Variants in NPAS3 observed in about 807,000 individuals in gnomAD.
NPAS3 encodes neuronal PAS domain protein 3.
Under a neutral mutation model 73.1 loss-of-function variants are expected in NPAS3, and 14 were observed. The ratio of observed to expected loss-of-function variants is 0.19; its 90% confidence interval spans 0.13 to 0.30. The LOEUF (loss-of-function observed/expected upper bound fraction) is 0.30. Ranked by LOEUF, NPAS3 falls within the 10% of genes least tolerant of loss-of-function variation. The pLI is 1.00. For missense variants in NPAS3, 1,096 were observed against 1,250.0 expected (o/e 0.88, Z 1.86); for synonymous variants, 620 against 541.5 (o/e 1.14, Z -2.01).
At chr14:33,477,530 C>G (rs2051098377) in intron 4 of NPAS3, among the ~76,000 whole-genome samples, 1 of 152,066 alleles carries the variant, frequency 6.6e-6, no homozygotes, top group African/African-American at 2.4e-5. Context: ...CTCATGCACT[C>G]ATAGCACACA....
intron 1 of NPAS3, among the ~76,000 whole-genome samples, chr14:33,018,652 TA>T (rs1415508821): frequency 6.6e-6 from 1 of 152,208 alleles, no homozygotes; most frequent in Non-Finnish European, 1.5e-5. Context: ...AAGTTGAAAG[TA>T]TAAGAAATAT....
At chr14:33,338,934 T>A (rs2140303599) in intron 3 of NPAS3, among the ~76,000 whole-genome samples, 1 of 152,304 alleles carries the variant, frequency 6.6e-6, no homozygotes, top group Non-Finnish European at 1.5e-5. Flanking sequence ...ATACATCTTC[T>A]CTTATTTCTG....
chr14:33,121,084 T>G (rs187711704), intron 2 of NPAS3, among the ~76,000 whole-genome samples: 1 of 152,208 alleles, frequency 6.6e-6, no homozygotes, highest in East Asian at 1.9e-4. Flanking sequence ...TCTCCCTTTT[T>G]GACCTCTTAA....
rs113114587 is a variant in NPAS3, at chr14:33,572,299, T to A, written c.558+12089T>A. Among the ~76,000 whole-genome samples the A allele has an allele frequency of 4.5e-3, 688 of 152,254 alleles. 2 individuals are homozygous for A. Among genetic ancestry groups the A allele is most frequent in the East Asian group, 6.4e-3 (33 of 5,178 alleles). Reference sequence around the variant, plus strand: ...CTAATTAACAATAATTACATTTTTTTAAAAATTTAAAAGGCTTTAGAACAA... The same window carrying A: ...CTAATTAACAATAATTACATTTTTTAAAAAATTTAAAAGGCTTTAGAACAA... On this transcript the variant is annotated intron_variant, in intron 5 of 11. Transcript: ENST00000356141.
chr14:33,043,835 A>G (rs78821257), intron 1 of NPAS3, among the ~76,000 whole-genome samples: 3,955 of 152,184 alleles, frequency 0.026, 50 homozygotes, highest in Admixed American at 0.031. Context: ...AAAAAAAACA[A>G]CTTCCCAAAT....
intron 5 of NPAS3, among the ~76,000 whole-genome samples, chr14:33,564,287 C>T (rs187445413): frequency 2.6e-5 from 4 of 152,248 alleles, no homozygotes; most frequent in African/African-American, 9.6e-5. Flanking sequence ...AAATGAAAAA[C>T]CATTGTTTCT....
At chr14:33,127,439 T>C (rs1176377667) in intron 2 of NPAS3, among the ~76,000 whole-genome samples, 1 of 152,162 alleles carries the variant, frequency 6.6e-6, no homozygotes, top group African/African-American at 2.4e-5. Context: ...ATGATGTTTG[T>C]AGTGTTGCAT....
intron 2 of NPAS3, among the ~76,000 whole-genome samples, chr14:33,059,504 T>G (rs1287789838): frequency 6.6e-6 from 1 of 152,340 alleles, no homozygotes; most frequent in Non-Finnish European, 1.5e-5. Context: ...AAAATACACC[T>G]CATATTGTAA....
chr14:33,561,516 C>G (rs979913982), intron 5 of NPAS3, among the ~76,000 whole-genome samples: 1 of 152,190 alleles, frequency 6.6e-6, no homozygotes, highest in African/African-American at 2.4e-5. Flanking sequence ...AGAAACCGAG[C>G]TTTTGTTAAC....
intron 5 of NPAS3, among the ~76,000 whole-genome samples, chr14:33,674,446 C>T (rs1438427499): frequency 6.6e-6 from 1 of 152,204 alleles, no homozygotes; most frequent in Non-Finnish European, 1.5e-5. Flanking sequence ...AATATTAAAA[C>T]ACACATTTTA....
chr14:33,350,056 A>G (rs982388824), intron 3 of NPAS3, among the ~76,000 whole-genome samples: 5 of 152,198 alleles, frequency 3.3e-5, no homozygotes, highest in African/African-American at 1.2e-4. Flanking sequence ...TGTACCATTA[A>G]TTGCACTTAA....
At chr14:33,078,108 C>T (rs1423000796) in intron 2 of NPAS3, among the ~76,000 whole-genome samples, 1 of 151,754 alleles carries the variant, frequency 6.6e-6, no homozygotes, top group African/African-American at 2.4e-5. Context: ...CACTGCACTC[C>T]AGCCTGGGCA....
Position 33,169,347 on chromosome 14 carries a change from C to A in NPAS3, c.141-45835C>A, listed in dbSNP as rs552778425. The stretch of plus-strand genomic sequence containing the variant: ...CTTTGGGAGGCCAAGGCAGATGGAT[C>A]ACTTGAGGTCAGGAGTTGGAGACCA... On this transcript the variant is annotated intron_variant, in intron 2 of 11. Coordinates refer to ENST00000356141, the Ensembl canonical transcript of NPAS3. 5.9e-5 allele frequency among the ~76,000 whole-genome samples: 9 copies of A among 152,268 alleles called. No individual in the cohort carries two copies. The East Asian group carries it at 1.5e-3, about 26-fold the overall frequency.
In NPAS3 at chr14:33,536,600, A is replaced by G. The variant is rs373041963; in HGVS notation, c.469-23521A>G. ...TGGGAGATTCAAGGCTAAACCACCA[A>G]GGATAAAAGCTAGACTATAATGCAA... On this transcript the variant is annotated intron_variant, in intron 4 of 11. Coordinates refer to ENST00000356141, the Ensembl canonical transcript of NPAS3. 1.4e-4 allele frequency among the ~76,000 whole-genome samples: 21 copies of G among 152,048 alleles called. No individual in the cohort carries two copies. In the East Asian group the frequency reaches 2.1e-3, roughly 15 times the overall value.
At chr14:32,939,311 A>G (rs767595651), upstream of NPAS3, 2 of 682,582 alleles carry the variant, frequency 2.9e-6, no homozygotes, top group Non-Finnish European at 5.2e-6. Context: ...AAAAAATAGC[A>G]GGAAGATGGC....
chr14:33,465,519 C>A (rs544286698), intron 4 of NPAS3, among the ~76,000 whole-genome samples: 1 of 152,292 alleles, frequency 6.6e-6, no homozygotes, highest in Middle Eastern at 3.4e-3. Context: ...TGGTTGAGCA[C>A]TTACTACATA....
intron 2 of NPAS3, among the ~76,000 whole-genome samples, chr14:33,205,157 A>G (rs1247521149): frequency 6.6e-6 from 1 of 152,178 alleles, no homozygotes; most frequent in Non-Finnish European, 1.5e-5. Flanking sequence ...AGATTTGGAT[A>G]TATATTATCT....
intron 5 of NPAS3, among the ~76,000 whole-genome samples, chr14:33,659,447 TG>T (rs2140267804): frequency 6.6e-6 from 1 of 152,338 alleles, no homozygotes; most frequent in African/African-American, 2.4e-5. Flanking sequence ...GCCATGAAAC[TG>T]GACCTGACTG....
At chr14:32,972,289 C>T (rs531832731) in intron 1 of NPAS3, among the ~76,000 whole-genome samples, 3 of 152,012 alleles carry the variant, frequency 2.0e-5, no homozygotes, top group African/African-American at 4.8e-5. Flanking sequence ...AAAACATTGC[C>T]GGTACAATAC....
Sources: gnomAD v4.1 joint callset for allele counts (sites outside exome capture counted in the v4.1 genomes callset) on GRCh38, gnomAD v4.1.1 for gene constraint, MANE v1.5 for transcripts, NCBI Gene and HGNC (gene_info 2026-07-23, HGNC 2026-07-21) for gene names.